ATRNL1: variants seen among roughly 807,000 people sequenced by gnomAD.
The protein encoded by ATRNL1 is attractin-like protein 1.
Under a neutral mutation model 182.7 loss-of-function variants are expected in ATRNL1, and 95 were observed. The observed-to-expected ratio is 0.52, with a 90% CI of 0.44 to 0.62. The LOEUF (loss-of-function observed/expected upper bound fraction) is 0.62, where lower values mean the gene tolerates loss of function less well. ATRNL1 is among the 20% of genes least tolerant of loss of function. The pLI is 0.00. For synonymous variants in ATRNL1, 576 were observed against 568.3 expected (o/e 1.01, Z -0.19); for missense variants, 1,471 against 1,679.5 (o/e 0.88, Z 2.17).
intron 5 of ATRNL1, among the ~76,000 whole-genome samples, chr10:115,130,984 C>A (rs1845206958): frequency 6.6e-6 from 1 of 152,004 alleles, no homozygotes; most frequent in Non-Finnish European, 1.5e-5. Flanking sequence ...CTTTGAAATG[C>A]TTTATTTTGT....
rs924749898 is a variant in ATRNL1 at position 115,483,666 on chromosome 10, C to T, written c.3654+14337C>T. Among the ~76,000 whole-genome samples, 6 of 151,326 alleles carry T rather than the reference C, an allele frequency of 4.0e-5. 1 individual carries two copies. In the South Asian group the frequency reaches 8.3e-4, roughly 21 times the overall value. On this transcript the variant is annotated intron_variant, in intron 24 of 28. Transcript: ENST00000355044. ...ATAAAATCTAGATGTTAGAAGAAAT[C>T]GTGTAATTATATGTATATGTTGTTT...
intron 24 of ATRNL1, among the ~76,000 whole-genome samples, chr10:115,497,231 A>G (rs545082110): frequency 1.8e-4 from 28 of 152,258 alleles, no homozygotes; most frequent in Non-Finnish European, 3.5e-4. Flanking sequence ...GTTCTTTCTT[A>G]TAACGGCCAT....
rs781791143 is a variant in ATRNL1, at chr10:115,687,016, C to CTTAT, written c.3796-40216_3796-40213dup. 5.9e-5 allele frequency among the ~76,000 whole-genome samples: 9 copies of CTTAT among 151,886 alleles called. No individual in the cohort carries two copies. In the South Asian group the frequency reaches 1.2e-3, roughly 21 times the overall value. Reference sequence around the variant, plus strand: ...ATTACCTCCAGAAATTTCCTTCCACCTTATTTATTTATTTATTTAGGTGAT... The same window carrying CTTAT: ...ATTACCTCCAGAAATTTCCTTCCACCTTATTTATTTATTTATTTATTTAGGTGAT... On this transcript the variant is annotated intron_variant, in intron 26 of 28. Transcript: ENST00000355044.
rs533450761 is a variant in ATRNL1, at chr10:115,530,412, T to C, written c.3716+11088T>C. Among the ~76,000 whole-genome samples the C allele has an allele frequency of 3.9e-5, 6 of 152,282 alleles. No homozygotes were observed. The East Asian group carries it at 1.2e-3, about 29-fold the overall frequency. The stretch of plus-strand genomic sequence containing the variant: ...ATTAACTGCCTTTCTTATAGCCATC[T>C]TAGTGGGCATAAAGTGGTAAGAGAT... On this transcript the variant is annotated intron_variant, in intron 25 of 28. Coordinates refer to ENST00000355044, the MANE Select transcript of ATRNL1 (RefSeq NM_207303.4).
intron 6 of ATRNL1, among the ~76,000 whole-genome samples, chr10:115,160,436 CT>C (rs1846729089): frequency 6.6e-6 from 1 of 151,746 alleles, no homozygotes; most frequent in Non-Finnish European, 1.5e-5. Context: ...CTCTAGAGTA[CT>C]TTTAATAAAT....
chr10:115,536,528 A>T (rs898841826), intron 25 of ATRNL1, among the ~76,000 whole-genome samples: 1 of 152,116 alleles, frequency 6.6e-6, no homozygotes, highest in Non-Finnish European at 1.5e-5. Context: ...CCTTTCTTTG[A>T]CTAGGTAAGG....
At chr10:115,617,209 C>G (rs782313212) in intron 26 of ATRNL1, among the ~76,000 whole-genome samples, 2 of 152,182 alleles carry the variant, frequency 1.3e-5, no homozygotes, top group Non-Finnish European at 2.9e-5. Context: ...TATTTTGAAG[C>G]CTTATCATTT....
At chr10:115,381,455 A>T (rs1858000847) in intron 19 of ATRNL1, among the ~76,000 whole-genome samples, 1 of 27,704 alleles carries the variant, frequency 3.6e-5, no homozygotes, top group Non-Finnish European at 1.0e-4. Context: ...TTTTTAGTAG[A>T]CATGGGGTTT....
chr10:115,743,182 A>C (rs185229234), intron 27 of ATRNL1, among the ~76,000 whole-genome samples: 2 of 149,752 alleles, frequency 1.3e-5, no homozygotes, highest in South Asian at 2.2e-4. Flanking sequence ...CTACAATTCA[A>C]GATGAGATTT....
rs555650933 is a variant in ATRNL1 at position 115,301,965 on chromosome 10, C to T, written c.2740C>T (p.Arg914Ter). The stretch of plus-strand genomic sequence containing the variant: ...GTGTATGTGGTGCAGCAGTACGAAA[C>T]GATGTGTTGACTCTAATGCCTATAT... ...MECMWCSSTK[R>*]CVDSNAYIIS... The change falls in exon 17 of 29, where the codon CGA becomes TGA. Residue 914 changes from arginine to a stop codon, truncating the protein, a stop_gained. Transcript: ENST00000355044. LOFTEE classifies it high-confidence loss of function. The T allele has an allele frequency of 5.6e-6, 9 of 1,614,052 alleles. No homozygotes were observed. The highest frequency in any genetic ancestry group is 1.1e-5 in the South Asian group (1 of 91,070).
intron 26 of ATRNL1, among the ~76,000 whole-genome samples, chr10:115,697,593 T>C (rs1946604200): frequency 6.6e-6 from 1 of 152,202 alleles, no homozygotes; most frequent in Non-Finnish European, 1.5e-5. Flanking sequence ...CCCAAAGTGT[T>C]AGGATTACAG....
At chr10:115,514,020 C>G (rs1192354874) in intron 24 of ATRNL1, among the ~76,000 whole-genome samples, 1 of 151,846 alleles carries the variant, frequency 6.6e-6, no homozygotes, top group Non-Finnish European at 1.5e-5. Context: ...TCAGATGGTA[C>G]TTTTTATAGA....
intron 26 of ATRNL1, among the ~76,000 whole-genome samples, chr10:115,553,411 T>C (rs1185650395): frequency 6.6e-6 from 1 of 151,384 alleles, no homozygotes; most frequent in Non-Finnish European, 1.5e-5. Flanking sequence ...CTTGTAAATT[T>C]ACAGTTTTTT....
intron 28 of ATRNL1, among the ~76,000 whole-genome samples, chr10:115,914,958 A>T (rs1952799056): frequency 6.6e-6 from 1 of 152,256 alleles, no homozygotes; most frequent in Non-Finnish European, 1.5e-5. Context: ...ATTTGGAAAA[A>T]AACTAGAATA....
At chr10:115,415,449 A>G (rs1845343092) in intron 20 of ATRNL1, among the ~76,000 whole-genome samples, 1 of 151,492 alleles carries the variant, frequency 6.6e-6, no homozygotes, top group Non-Finnish European at 1.5e-5. Flanking sequence ...GTGAGACATA[A>G]GTTGCACATA....
chr10:115,654,321 G>A lies in ATRNL1; in HGVS notation c.3796-72927G>A, dbSNP rs187365342. The stretch of plus-strand genomic sequence containing the variant: ...TGCAACCTCTGCCTCTCGGGTTCAA[G>A]CGATTCTCCTGCCTCAGCCTCCCAA... On this transcript the variant is annotated intron_variant, in intron 26 of 28. Transcript: ENST00000355044. Among the ~76,000 whole-genome samples, 106 of 151,972 alleles carry A rather than the reference G, an allele frequency of 7.0e-4. 2 individuals are homozygous for A. The East Asian group carries it at 0.019, about 27-fold the overall frequency.
At chr10:115,094,430 G>T (rs782112124) in intron 1 of ATRNL1, among the ~76,000 whole-genome samples, 1 of 152,128 alleles carries the variant, frequency 6.6e-6, no homozygotes, top group Non-Finnish European at 1.5e-5. Context: ...AAATACATGC[G>T]CATTGTGAAA....
intron 19 of ATRNL1, among the ~76,000 whole-genome samples, chr10:115,360,572 G>A (rs1270494684): frequency 6.7e-6 from 1 of 149,928 alleles, no homozygotes; most frequent in Non-Finnish European, 1.5e-5. Flanking sequence ...TTCAGATTGT[G>A]CCAATTGTCT....
At chr10:115,517,447 G>A (rs1276241260) in intron 24 of ATRNL1, among the ~76,000 whole-genome samples, 3 of 151,812 alleles carry the variant, frequency 2.0e-5, no homozygotes, top group Non-Finnish European at 1.5e-5. Context: ...ACGTAAAGCT[G>A]AATTGTATCT....
Sources: allele counts gnomAD v4.1 joint callset (sites outside exome capture counted in the v4.1 genomes callset), GRCh38; gene constraint gnomAD v4.1.1; transcripts MANE v1.5; gene names NCBI Gene and HGNC (gene_info 2026-07-23, HGNC 2026-07-21).